The following STX8 variants were observed in gnomAD, a reference collection of about 807,000 sequenced individuals.
STX8 encodes the protein syntaxin-8.
In STX8, 23 loss-of-function variants were observed where a neutral mutation model predicts 37.5. The ratio of observed to expected loss-of-function variants is 0.61; its 90% CI spans 0.44 to 0.87. The LOEUF is 0.87. STX8 is among the 40% of genes least tolerant of loss of function. STX8 has a pLI of 0.00. For synonymous variants in STX8, 115 were observed against 99.1 expected, an observed-to-expected ratio of 1.16 and a Z score of -0.95; for missense variants, 313 against 284.7, an observed-to-expected ratio of 1.10 and a Z score of -0.71.
intron 7 of STX8, among the ~76,000 whole-genome samples, chr17:9,350,475 T>A (rs1910669749): frequency 1.3e-5 from 2 of 152,198 alleles, no homozygotes. Context: ...GAAGTTAGCA[T>A]CTATCATATT....
intron 1 of STX8, among the ~76,000 whole-genome samples, chr17:9,572,170 C>T (rs1426630811): frequency 6.6e-6 from 1 of 152,104 alleles, no homozygotes; most frequent in Non-Finnish European, 1.5e-5. Context: ...GGTACATCAT[C>T]AACAAATTAG....
At chr17:9,270,365 A>G (rs534979089) in intron 7 of STX8, among the ~76,000 whole-genome samples, 3 of 151,876 alleles carry the variant, frequency 2.0e-5, no homozygotes, top group Admixed American at 2.0e-4. Flanking sequence ...CTCCTCCCTC[A>G]GCCTCCCAAG....
chr17:9,294,874 C>T (rs1430941208), intron 7 of STX8, among the ~76,000 whole-genome samples: 2 of 152,198 alleles, frequency 1.3e-5, no homozygotes, highest in Admixed American at 1.3e-4. Context: ...CACCAGAGGG[C>T]TCTTTCCTTC....
chr17:9,518,103 T>C (rs1177971923), intron 4 of STX8, among the ~76,000 whole-genome samples: 1 of 150,582 alleles, frequency 6.6e-6, no homozygotes, highest in Non-Finnish European at 1.5e-5. Flanking sequence ...TTCTTCTCCA[T>C]CCTATAAATC....
Position 9,536,363 on chromosome 17 carries a change from C to A in STX8, c.323+8809G>T, listed in dbSNP as rs574809780. On this transcript the variant is annotated intron_variant, in intron 4 of 7. Transcript: ENST00000306357. Reference sequence around the variant, plus strand: ...CAGCAACTACCCGAAGCCCTGACGGCATCACTGGGCTGTCAATCAACCCTC... The same window carrying A: ...CAGCAACTACCCGAAGCCCTGACGGAATCACTGGGCTGTCAATCAACCCTC... Among the ~76,000 whole-genome samples the A allele has an allele frequency of 3.3e-5, 5 of 152,292 alleles. No individual in the cohort carries two copies. The South Asian group carries it at 8.3e-4, about 25-fold the overall frequency.
intron 4 of STX8, among the ~76,000 whole-genome samples, chr17:9,506,785 G>A (rs1904854911): frequency 6.6e-6 from 1 of 152,078 alleles, no homozygotes; most frequent in South Asian, 2.1e-4. Context: ...CCCAGATTAG[G>A]AGCATTCCCC....
At chr17:9,535,590 G>A (rs906366078) in intron 4 of STX8, among the ~76,000 whole-genome samples, 11 of 151,476 alleles carry the variant, frequency 7.3e-5, no homozygotes, top group African/African-American at 1.7e-4. Flanking sequence ...CCGCCACCAC[G>A]CCTGGCTAAT....
chr17:9,519,362 A>AT (rs112855565), intron 4 of STX8, among the ~76,000 whole-genome samples: 3,675 of 149,952 alleles, frequency 0.025, 147 homozygotes, highest in African/African-American at 0.086. Flanking sequence ...CATCCAAGCC[A>AT]TTTTTTTTTT....
At chr17:9,558,319 A>T (rs1352111433) in intron 2 of STX8, among the ~76,000 whole-genome samples, 1 of 152,220 alleles carries the variant, frequency 6.6e-6, no homozygotes, top group Non-Finnish European at 1.5e-5. Context: ...CAGCAATTAT[A>T]TAACTCAAGC....
intron 6 of STX8, among the ~76,000 whole-genome samples, chr17:9,444,331 C>T (rs376918103): frequency 6.6e-6 from 1 of 152,196 alleles, no homozygotes; most frequent in Non-Finnish European, 1.5e-5. Context: ...CAACGCAAAG[C>T]GCATCTGCTA....
intron 6 of STX8, among the ~76,000 whole-genome samples, chr17:9,397,247 T>C (rs1417743003): frequency 1.3e-5 from 2 of 151,928 alleles, no homozygotes; most frequent in African/African-American, 2.4e-5. Flanking sequence ...AATACAAAAA[T>C]TAGCTGGGCG....
chr17:9,475,310 TGAAATACAGCTG>T (rs1906054548), intron 6 of STX8, among the ~76,000 whole-genome samples: 1 of 152,036 alleles, frequency 6.6e-6, no homozygotes, highest in Admixed American at 6.5e-5. Context: ...GGGGAATGGG[TGAAATACAGCTG>T]GAAATACATC....
chr17:9,454,025 G>A (rs1905118002), intron 6 of STX8, among the ~76,000 whole-genome samples: 1 of 152,058 alleles, frequency 6.6e-6, no homozygotes, highest in Non-Finnish European at 1.5e-5. Flanking sequence ...AAGAAACTAT[G>A]TCATAAAGTT....
chr17:9,441,358 C>T (rs565920755), intron 6 of STX8, among the ~76,000 whole-genome samples: 1 of 151,466 alleles, frequency 6.6e-6, no homozygotes, highest in East Asian at 2.0e-4. Context: ...TGTGTGGTGG[C>T]ATGCACCTGT....
rs564836404 is a variant in STX8, at chr17:9,351,930, C to G, written c.643+26622G>C. Reference sequence around the variant, plus strand: ...TTGGGAGGCCGACTTGGGAGGATCACTTGAGCTCAGGATTTCAAGACCAGC... The same window carrying G: ...TTGGGAGGCCGACTTGGGAGGATCAGTTGAGCTCAGGATTTCAAGACCAGC... On this transcript the variant is annotated intron_variant, in intron 7 of 7. Transcript: ENST00000306357. 3.3e-5 allele frequency among the ~76,000 whole-genome samples: 5 copies of G among 152,148 alleles called. No individual in the cohort carries two copies. The East Asian group carries it at 5.8e-4, about 18-fold the overall frequency.
chr17:9,327,224 GAAGGAGGAAGGAGGACA>G (rs1338059403), intron 7 of STX8, among the ~76,000 whole-genome samples: 4 of 147,694 alleles, frequency 2.7e-5, no homozygotes, highest in East Asian at 1.9e-4. Flanking sequence ...GAAGGAGGAA[GAAGGAGGAAGGAGGACA>G]GAGGAGGAAG....
chr17:9,417,274 T>G (rs1913235490), intron 6 of STX8, among the ~76,000 whole-genome samples: 1 of 152,148 alleles, frequency 6.6e-6, no homozygotes, highest in Non-Finnish European at 1.5e-5. Context: ...CGTTAGATGA[T>G]TACAGAGTTA....
At chr17:9,259,228 T>C (rs1260705362) in intron 7 of STX8, among the ~76,000 whole-genome samples, 1 of 152,132 alleles carries the variant, frequency 6.6e-6, no homozygotes, top group Non-Finnish European at 1.5e-5. Context: ...AGGCTTGTTG[T>C]GAGGATTTCG....
At chr17:9,416,617 T>A (rs760116894) in intron 6 of STX8, among the ~76,000 whole-genome samples, 5 of 152,182 alleles carry the variant, frequency 3.3e-5, no homozygotes, top group Admixed American at 2.0e-4. Flanking sequence ...TCTGCCCACC[T>A]TGGCCTCCCA....
Sources: gnomAD v4.1 joint callset for allele counts (sites outside exome capture counted in the v4.1 genomes callset) on GRCh38, gnomAD v4.1.1 for gene constraint, MANE v1.5 for transcripts, NCBI Gene and HGNC (gene_info 2026-07-23, HGNC 2026-07-21) for gene names.